RALA: variants seen among roughly 807,000 people sequenced by gnomAD.
The protein encoded by RALA is ras-related protein Ral-A.
Under a neutral mutation model 24.0 loss-of-function variants are expected in RALA, and 5 were observed. The ratio of observed to expected loss-of-function variants is 0.21; its 90% CI spans 0.11 to 0.44. The LOEUF is 0.44. Ranked by LOEUF, RALA falls within the 20% of genes least tolerant of loss-of-function variation. The probability of loss-of-function intolerance (pLI) is 0.99; values close to 1 mark genes in which losing one functional copy is unlikely to be tolerated. For synonymous variants in RALA, 77 were observed against 83.8 expected, an observed-to-expected ratio of 0.92 and a Z score of 0.44; for missense variants, 95 against 241.2, an observed-to-expected ratio of 0.39 and a Z score of 4.01.
chr7:39,700,321 TC>T (rs975116657), intron 4 of RALA: 1 of 152,302 alleles, frequency 6.6e-6, no homozygotes, highest in Non-Finnish European at 1.5e-5. Flanking sequence ...AAGCTTCAAG[TC>T]TAGGCACTGG....
At chr7:39,662,120 T>C (rs1792202533) in intron 1 of RALA, among the ~76,000 whole-genome samples, 2 of 152,130 alleles carry the variant, frequency 1.3e-5, no homozygotes, top group East Asian at 1.9e-4. Flanking sequence ...GTCCCTAGGC[T>C]ACACACAGCA....
At chr7:39,685,188 G>A (rs1792676515) in intron 1 of RALA, among the ~76,000 whole-genome samples, 1 of 152,336 alleles carries the variant, frequency 6.6e-6, no homozygotes, top group South Asian at 2.1e-4. Flanking sequence ...ACCTAATTTA[G>A]GTTGAGAGTT....
At chr7:39,662,400 C>A (rs1295399090) in intron 1 of RALA, among the ~76,000 whole-genome samples, 1 of 152,060 alleles carries the variant, frequency 6.6e-6, no homozygotes. Context: ...GCAAATTTGT[C>A]AAAGTTCTAT....
At chr7:39,635,329 C>T (rs1279115217) in intron 1 of RALA, among the ~76,000 whole-genome samples, 1 of 152,062 alleles carries the variant, frequency 6.6e-6, no homozygotes, top group African/African-American at 2.4e-5. Context: ...GAGCCGAGAT[C>T]GTGCCACTAC....
intron 2 of RALA, among the ~76,000 whole-genome samples, chr7:39,687,443 T>G (rs1385268295): frequency 1.3e-5 from 2 of 151,888 alleles, no homozygotes. Context: ...AAAAAAAAAT[T>G]CTTTTAATAA....
chr7:39,705,764 A>G (rs1793111455), intron 4 of RALA, among the ~76,000 whole-genome samples: 1 of 151,678 alleles, frequency 6.6e-6, no homozygotes, highest in African/African-American at 2.4e-5. Flanking sequence ...AATTAATAAA[A>G]TACATTTATT....
chr7:39,642,620 C>T (rs1464543500), intron 1 of RALA, among the ~76,000 whole-genome samples: 2 of 152,200 alleles, frequency 1.3e-5, no homozygotes, highest in African/African-American at 4.8e-5. Flanking sequence ...ATTAGCCATT[C>T]GTAAACCCCT....
Position 39,658,867 on chromosome 7 carries a change from G to A in RALA, c.-37-27764G>A, listed in dbSNP as rs374453839. On this transcript the variant is annotated intron_variant, in intron 1 of 4. Coordinates refer to ENST00000005257, the MANE Select transcript of RALA (RefSeq NM_005402.4). ...TGAGTAGCTGGAACTACAGGCGTGCGCCACCGAGCCTGCCTCAAGCAGACT... is the reference window on the plus strand; with the variant it reads ...TGAGTAGCTGGAACTACAGGCGTGCACCACCGAGCCTGCCTCAAGCAGACT... Among the ~76,000 whole-genome samples the A allele has an allele frequency of 1.6e-4, 24 of 151,702 alleles. No homozygotes were observed. The East Asian group carries it at 3.5e-3, about 22-fold the overall frequency.
intron 1 of RALA, among the ~76,000 whole-genome samples, chr7:39,675,680 G>GGTAC (rs1485261741): frequency 6.6e-6 from 1 of 151,148 alleles, no homozygotes; most frequent in African/African-American, 2.4e-5. Context: ...GAGCTGTGAT[G>GGTAC]GTACCATTAC....
chr7:39,654,807 G>C (rs780299706), intron 1 of RALA, among the ~76,000 whole-genome samples: 2 of 152,144 alleles, frequency 1.3e-5, no homozygotes, highest in Non-Finnish European at 2.9e-5. Flanking sequence ...CTGGAGTGCA[G>C]TGGTGTGATC....
chr7:39,631,168 C>T (rs917562573), intron 1 of RALA, among the ~76,000 whole-genome samples: 2 of 151,914 alleles, frequency 1.3e-5, no homozygotes, highest in South Asian at 2.1e-4. Context: ...CCACCATGCC[C>T]AGCTTATTTT....
rs771372603 is a variant in RALA, at chr7:39,690,345, A to G, written c.115-37A>G. On this transcript the variant is annotated intron_variant, in intron 2 of 4. Coordinates refer to ENST00000005257, the MANE Select transcript of RALA (RefSeq NM_005402.4). ...TATTTCAAAATAAGTTTTGAAACGT[A>G]ATAATTAAAAAATTGGTGTGTTTTT... The G allele has an allele frequency of 7.8e-6, 12 of 1,537,334 alleles. No homozygotes were observed. The East Asian group carries it at 2.5e-4, about 32-fold the overall frequency.
chr7:39,693,657 A>T (rs1041437917), intron 3 of RALA, among the ~76,000 whole-genome samples: 4 of 152,206 alleles, frequency 2.6e-5, no homozygotes, highest in African/African-American at 9.6e-5. Flanking sequence ...AAAGATTGTG[A>T]TTGGCCAAAA....
intron 1 of RALA, among the ~76,000 whole-genome samples, chr7:39,646,294 A>G (rs1791921617): frequency 1.3e-5 from 2 of 152,058 alleles, no homozygotes; most frequent in African/African-American, 2.4e-5. Flanking sequence ...CCCTGTCCCT[A>G]CAACCCCCCG....
chr7:39,688,265 G>A (rs1210422171), intron 2 of RALA, among the ~76,000 whole-genome samples: 1 of 152,102 alleles, frequency 6.6e-6, no homozygotes, highest in Non-Finnish European at 1.5e-5. Context: ...AGCTGGGCGT[G>A]GTGCTGCATG....
intron 1 of RALA, among the ~76,000 whole-genome samples, chr7:39,634,661 A>G (rs562092559): frequency 6.6e-6 from 1 of 151,990 alleles, no homozygotes; most frequent in South Asian, 2.1e-4. Flanking sequence ...CCTATTTCTT[A>G]TGTCTACATA....
At chr7:39,702,835 C>T (rs1793053048) in intron 4 of RALA, 1 of 152,054 alleles carries the variant, frequency 6.6e-6, no homozygotes, top group South Asian at 2.1e-4. Context: ...AAAAATAGAA[C>T]AGAGAATACT....
chr7:39,681,737 G>A (rs1368202842), intron 1 of RALA, among the ~76,000 whole-genome samples: 1 of 151,970 alleles, frequency 6.6e-6, no homozygotes, highest in Non-Finnish European at 1.5e-5. Context: ...GCCATTTTGT[G>A]ACTTCAAATA....
intron 1 of RALA, among the ~76,000 whole-genome samples, chr7:39,629,950 C>T (rs902231015): frequency 6.6e-6 from 1 of 152,074 alleles, no homozygotes; most frequent in African/African-American, 2.4e-5. Context: ...AGGCTGGTCT[C>T]AAACTCCTGA....
Sources: gnomAD v4.1 joint callset for allele counts (sites outside exome capture counted in the v4.1 genomes callset) on GRCh38, gnomAD v4.1.1 for gene constraint, MANE v1.5 for transcripts, NCBI Gene and HGNC (gene_info 2026-07-23, HGNC 2026-07-21) for gene names.